Variants in ATP2B2 observed in about 807,000 individuals in gnomAD.
The protein encoded by ATP2B2 is ATPase plasma membrane Ca2+ transporting 2.
Under a neutral mutation model 120.0 loss-of-function variants are expected in ATP2B2, and 15 were observed. The ratio of observed to expected loss-of-function variants is 0.12; its 90% confidence interval spans 0.08 to 0.19. ATP2B2 has a LOEUF of 0.19. Ranked by LOEUF, ATP2B2 falls within the 10% of genes least tolerant of loss-of-function variation. The pLI, the probability that ATP2B2 is intolerant of heterozygous loss-of-function variation, is 1.00. For synonymous variants in ATP2B2, 694 were observed against 700.3 expected (o/e 0.99, Z 0.14); for missense variants, 1,045 against 1,719.8 (o/e 0.61, Z 6.94).
intron 1 of ATP2B2, among the ~76,000 whole-genome samples, chr3:10,692,533 G>T (rs1315647210): frequency 6.6e-6 from 1 of 152,174 alleles, no homozygotes; most frequent in Non-Finnish European, 1.5e-5. Context: ...GATTCTCTTG[G>T]TGACCTCAAG....
At chr3:10,466,045 T>C (rs1160848139) in intron 1 of ATP2B2, among the ~76,000 whole-genome samples, 1 of 152,192 alleles carries the variant, frequency 6.6e-6, no homozygotes, top group East Asian at 1.9e-4. Flanking sequence ...ACCTCAAAGG[T>C]CAACATCCCT....
intron 2 of ATP2B2, among the ~76,000 whole-genome samples, chr3:10,587,388 T>A (rs2068536209): frequency 6.6e-6 from 1 of 151,016 alleles, no homozygotes; most frequent in South Asian, 2.1e-4. Context: ...ATTAATTTAT[T>A]TTTATTTATT....
intron 2 of ATP2B2, among the ~76,000 whole-genome samples, chr3:10,416,803 G>A (rs867868937): frequency 1.3e-5 from 2 of 151,072 alleles, no homozygotes; most frequent in Admixed American, 6.6e-5. Context: ...CTTTAATGTC[G>A]AAAATGCAAA....
At position 10,329,191 on chromosome 3, in the gene ATP2B2, A is replaced by ACACT; in HGVS notation, c.3421-67_3421-66insAGTG. 1.4e-6 allele frequency: 1 copy of ACACT among 709,200 alleles called. No individual in the cohort carries two copies. Among genetic ancestry groups the ACACT allele is most frequent in the Non-Finnish European group, 2.3e-6 (1 of 432,724 alleles). 43.9% of individuals were successfully genotyped at this position (709,200 alleles called of 1,614,324 possible). A position where few individuals can be genotyped will look rare whatever the true frequency, so the allele number is the denominator to read the frequency against. On this transcript the variant is annotated intron_variant, in intron 22 of 22. Coordinates refer to ENST00000360273, the MANE Select transcript of ATP2B2 (RefSeq NM_001001331.4). This position sits in a 1 kb window ranked among gnomAD's most constrained non-coding sequence, Gnocchi z 5.9. ...CCACAGCCAGGCTCGGGGGGCTCAC[A>ACACT]GGAGGGGCGGGTGGGAGAAGGGTTA...
chr3:10,705,935 C>G (rs546842608), intron 1 of ATP2B2, among the ~76,000 whole-genome samples: 2 of 152,228 alleles, frequency 1.3e-5, no homozygotes, highest in Admixed American at 1.3e-4. Context: ...ACTATATAGC[C>G]GGCCTACGTA....
intron 1 of ATP2B2, among the ~76,000 whole-genome samples, chr3:10,638,276 T>C (rs1243288743): frequency 6.6e-6 from 1 of 152,162 alleles, no homozygotes; most frequent in African/African-American, 2.4e-5. Context: ...TAATGCTGCC[T>C]ACACAAAAAT....
intron 2 of ATP2B2, among the ~76,000 whole-genome samples, chr3:10,563,990 C>G (rs1014277534): frequency 9.2e-5 from 14 of 152,194 alleles, no homozygotes; most frequent in Admixed American, 3.3e-4. Flanking sequence ...GTAACTACAG[C>G]AAACTAGCTC....
chr3:10,603,022 T>C (rs143899296), intron 2 of ATP2B2, among the ~76,000 whole-genome samples: 12 of 152,354 alleles, frequency 7.9e-5, no homozygotes, highest in African/African-American at 2.6e-4. Context: ...TGTGAAGCCC[T>C]ATTTAAGGCC....
At chr3:10,629,833 A>G (rs892860861) in intron 1 of ATP2B2, among the ~76,000 whole-genome samples, 4 of 152,254 alleles carry the variant, frequency 2.6e-5, no homozygotes, top group Non-Finnish European at 4.4e-5. Context: ...TTTAAACAAA[A>G]TATTGCCAAG....
intron 14 of ATP2B2, 36 bp downstream of exon 14, chr3:10,358,655 T>A: frequency 6.2e-7 from 1 of 1,610,200 alleles, no homozygotes; most frequent in South Asian, 1.1e-5. Context: ...CCCAGCCTCA[T>A]CCCCTTTCCC....
chr3:10,579,949 G>A (rs1397589107), intron 2 of ATP2B2, among the ~76,000 whole-genome samples: 2 of 152,174 alleles, frequency 1.3e-5, no homozygotes, highest in Non-Finnish European at 1.5e-5. Flanking sequence ...AGTTTCTAAC[G>A]CCTCCTGGCA....
intron 2 of ATP2B2, among the ~76,000 whole-genome samples, chr3:10,601,123 G>C (rs2068906271): frequency 6.6e-6 from 1 of 152,148 alleles, no homozygotes; most frequent in Non-Finnish European, 1.5e-5. Flanking sequence ...GATCTCTCAA[G>C]AATCTCTGAG....
At chr3:10,615,895 A>G (rs1047207440) in intron 2 of ATP2B2, among the ~76,000 whole-genome samples, 1 of 151,822 alleles carries the variant, frequency 6.6e-6, no homozygotes, top group African/African-American at 2.4e-5. Context: ...TTGAGCAGCC[A>G]CTCTGTGATA....
chr3:10,609,198 G>A (rs181370005), intron 2 of ATP2B2, among the ~76,000 whole-genome samples: 2 of 152,014 alleles, frequency 1.3e-5, no homozygotes, highest in African/African-American at 4.8e-5. Context: ...TTACCCTCCT[G>A]GGTGTGTACC....
At chr3:10,542,479 T>C (rs952773098) in intron 2 of ATP2B2, among the ~76,000 whole-genome samples, 10 of 152,204 alleles carry the variant, frequency 6.6e-5, no homozygotes, top group Non-Finnish European at 1.2e-4. Flanking sequence ...TTTTAAAAAA[T>C]TGTCTCCTTT....
chr3:10,605,846 G>A (rs1034795205), intron 2 of ATP2B2, among the ~76,000 whole-genome samples: 9 of 152,104 alleles, frequency 5.9e-5, no homozygotes, highest in South Asian at 2.1e-4. Context: ...ATGAGGTTTC[G>A]CCATGTTGGC....
intron 2 of ATP2B2, among the ~76,000 whole-genome samples, chr3:10,446,014 C>T (rs1264558169): frequency 6.6e-6 from 1 of 152,236 alleles, no homozygotes; most frequent in Non-Finnish European, 1.5e-5. Flanking sequence ...CCAGAGGATT[C>T]TTCCCAGGTG....
intron 2 of ATP2B2, among the ~76,000 whole-genome samples, chr3:10,604,931 G>A (rs1376376818): frequency 3.3e-5 from 5 of 152,152 alleles, no homozygotes; most frequent in Non-Finnish European, 7.3e-5. Flanking sequence ...AACTGTTCTT[G>A]TTCTGAGCTT....
intron 2 of ATP2B2, among the ~76,000 whole-genome samples, chr3:10,577,609 C>A (rs1050368575): frequency 1.3e-4 from 20 of 152,166 alleles, no homozygotes; most frequent in Non-Finnish European, 2.8e-4. Context: ...ACAATCAGTG[C>A]CTTTGGGGAC....
Sources: gnomAD v4.1 joint callset for allele counts (sites outside exome capture counted in the v4.1 genomes callset) on GRCh38, gnomAD v4.1.1 for gene constraint, Gnocchi (gnomAD v3.1) non-coding constraint, MANE v1.5 for transcripts, NCBI Gene and HGNC (gene_info 2026-07-23, HGNC 2026-07-21) for gene names.